GGA1: variants seen among roughly 807,000 people sequenced by gnomAD.
GGA1 encodes ADP-ribosylation factor-binding protein GGA1.
Under a neutral mutation model 76.9 loss-of-function variants are expected in GGA1, and 18 were observed. That is an observed-to-expected ratio of 0.23 (90% CI 0.16 to 0.35). The LOEUF is 0.35. GGA1 is among the 10% of genes least tolerant of loss of function. GGA1 has a pLI of 1.00. For synonymous variants in GGA1, 342 were observed against 354.7 expected, an observed-to-expected ratio of 0.96 and a Z score of 0.40; for missense variants, 755 against 859.0, an observed-to-expected ratio of 0.88 and a Z score of 1.51.
intron 1 of GGA1, chr22:37,609,334 C>T: frequency 9.1e-7 from 1 of 1,099,996 alleles, no homozygotes; most frequent in African/African-American, 1.7e-5. Flanking sequence ...ACTCTCTGGC[C>T]CTGCATGGCG....
intron 11 of GGA1, 177 bp downstream of exon 11, chr22:37,626,126 C>A: frequency 2.2e-6 from 1 of 448,102 alleles, no homozygotes; most frequent in Non-Finnish European, 3.8e-6. Context: ...AAGTTAGGAG[C>A]TTGTGCGAGG....
At chr22:37,612,722 C>A (rs191414294) in intron 1 of GGA1, 6 of 159,698 alleles carry the variant, frequency 3.8e-5, no homozygotes, top group Admixed American at 1.3e-4. Context: ...TGCAGTGAGC[C>A]GAGATCGTGC....
chr22:37,630,361 G>A, intron 13 of GGA1, 191 bp downstream of exon 13: 1 of 543,848 alleles, frequency 1.8e-6, no homozygotes, highest in Middle Eastern at 4.7e-4. Context: ...GGGCCCACTG[G>A]CCTGGCCTCC....
At chr22:37,628,785 C>T (rs1931286089) in intron 11 of GGA1, among the ~76,000 whole-genome samples, 1 of 152,244 alleles carries the variant, frequency 6.6e-6, no homozygotes, top group Non-Finnish European at 1.5e-5. Flanking sequence ...CCCTTATCTT[C>T]TCTAGGTCAG....
In GGA1 at chr22:37,608,912, C is replaced by G; in HGVS notation, c.43+9C>G. The G allele has an allele frequency of 7.6e-7, 1 of 1,322,478 alleles. No homozygotes were observed. Among genetic ancestry groups the G allele is most frequent in the Non-Finnish European group, 9.7e-7 (1 of 1,036,260 alleles). 81.9% of individuals were successfully genotyped at this position (1,322,478 alleles called of 1,614,324 possible). ...TCTGGAGGCGCGAATCAGTGAGTGTCCGGGAGGGGCGCGGGCCGGACCGGA... is the reference window on the plus strand; with the variant it reads ...TCTGGAGGCGCGAATCAGTGAGTGTGCGGGAGGGGCGCGGGCCGGACCGGA... On this transcript the variant is annotated intron_variant, in intron 1 of 16. Coordinates refer to ENST00000343632, the MANE Select transcript of GGA1 (RefSeq NM_013365.5).
Position 37,632,521 on chromosome 22 carries a change from G to C in GGA1, c.1809+6G>C. On this transcript the variant is annotated splice_donor_region_variant and intron_variant, in intron 16 of 16. Transcript: ENST00000343632. This position sits in a 1 kb window ranked among gnomAD's most constrained non-coding sequence, Gnocchi z 5.1. ...TGCTTGCCAACCCCCAGAAGGTAAG[G>C]GGCCCCCAGGCAGTGCTGCAGGGTG... 6.2e-7 allele frequency: 1 copy of C among 1,607,570 alleles called. No homozygotes were observed.
At chr22:37,616,442 G>A (rs989557316) in intron 2 of GGA1, among the ~76,000 whole-genome samples, 11 of 152,148 alleles carry the variant, frequency 7.2e-5, no homozygotes, top group Admixed American at 1.3e-4. Flanking sequence ...CACTGGTGAC[G>A]GGTCTTTTAC....
At chr22:37,612,148 T>A (rs935665989) in intron 1 of GGA1, among the ~76,000 whole-genome samples, 5 of 149,458 alleles carry the variant, frequency 3.3e-5, no homozygotes, top group Admixed American at 2.7e-4. Flanking sequence ...AAAGCAAGAC[T>A]CTTTCTCAAA....
At chr22:37,630,757 C>T (rs1052717489) in intron 13 of GGA1, 146 bp from the exon 14 acceptor site, 17 of 619,186 alleles carry the variant, frequency 2.7e-5, no homozygotes, top group African/African-American at 1.9e-4. Flanking sequence ...TTATACAGAC[C>T]GGGTTTCGCC....
At chr22:37,622,549 C>A (rs965440401) in intron 7 of GGA1, among the ~76,000 whole-genome samples, 1 of 152,124 alleles carries the variant, frequency 6.6e-6, no homozygotes, top group Admixed American at 6.5e-5. Context: ...TCCCAAGTAG[C>A]TGGGACCAAA....
intron 14 of GGA1, 121 bp downstream of exon 14, chr22:37,631,220 A>AGG (rs928414223): frequency 1.3e-6 from 1 of 745,694 alleles, no homozygotes; most frequent in Non-Finnish European, 2.1e-6. Flanking sequence ...GGCCAACCAG[A>AGG]GGGGAGCTCT....
intron 1 of GGA1, among the ~76,000 whole-genome samples, chr22:37,612,171 T>TA (rs768818954): frequency 1.1e-3 from 160 of 147,398 alleles, no homozygotes; most frequent in Admixed American, 4.6e-3. Flanking sequence ...AAAATAAAAA[T>TA]AAAAAAATAC....
intron 11 of GGA1, chr22:37,626,413 T>G (rs1447417140): frequency 6.6e-6 from 1 of 152,282 alleles, no homozygotes; most frequent in African/African-American, 2.4e-5. Context: ...CCAGGCCTGC[T>G]GTTACTCCCG....
intron 1 of GGA1, 130 bp downstream of exon 1, chr22:37,609,033 T>A: frequency 7.1e-7 from 1 of 1,410,900 alleles, no homozygotes; most frequent in Non-Finnish European, 9.2e-7. Context: ...GGAGGGGCGG[T>A]GTCCTCAGTC....
Position 37,625,033 on chromosome 22 carries a change from G to A in GGA1, c.897G>A (p.Arg299=), listed in dbSNP as rs1462449126. The part of the protein sequence containing the change: ...QVINLYKQLV[R]GEEVNGDATA... ...TCAACCTGTATAAGCAGCTGGTGCG[G>A]GGTGAGGAGGTCAACGGTGATGCCA... The change falls in exon 10 of 17, where the codon CGG becomes CGA. Residue 299 remains arginine (R), a synonymous_variant. Transcript: ENST00000343632. This position sits in a 1 kb window ranked among gnomAD's most constrained non-coding sequence, Gnocchi z 4.1. 6 of 1,601,910 alleles carry A rather than the reference G, an allele frequency of 3.7e-6. No individual in the cohort carries two copies. In the South Asian group the frequency reaches 6.7e-5, roughly 18 times the overall value.
chr22:37,614,059 CAG>C (rs1928272499), intron 1 of GGA1, 129 bp from the exon 2 acceptor site: 2 of 695,392 alleles, frequency 2.9e-6, no homozygotes, highest in Non-Finnish European at 5.3e-6. Flanking sequence ...GGCAGGAAGG[CAG>C]GGGGAGAGCT....
chr22:37,627,328 GGGAGAGCTGAAGGGGAA>G (rs1164632980), intron 11 of GGA1, among the ~76,000 whole-genome samples: 6 of 152,182 alleles, frequency 3.9e-5, no homozygotes, highest in Non-Finnish European at 5.9e-5. Context: ...GGAGTGTGGA[GGGAGAGCTGAAGGGGAA>G]GGAGAGCTGA....
Position 37,617,017 on chromosome 22 carries a change from C to A in GGA1, c.204+20C>A. Reference sequence around the variant, plus strand: ...TTGACGGTGAGAAGGGGAGAGGCCACCATCCGTCCCCCGCCATGTGACGAC... The same window carrying A: ...TTGACGGTGAGAAGGGGAGAGGCCAACATCCGTCCCCCGCCATGTGACGAC... On this transcript the variant is annotated intron_variant, in intron 3 of 16. Coordinates refer to ENST00000343632, the MANE Select transcript of GGA1 (RefSeq NM_013365.5). 1 of 1,585,958 alleles carries A rather than the reference C, an allele frequency of 6.3e-7. No homozygotes were observed. The highest frequency in any genetic ancestry group is 8.6e-7 in the Non-Finnish European group (1 of 1,166,184).
intron 11 of GGA1, among the ~76,000 whole-genome samples, chr22:37,627,687 G>C (rs550401230): frequency 2.0e-5 from 3 of 152,348 alleles, no homozygotes; most frequent in African/African-American, 7.2e-5. Context: ...CGCACTTCCT[G>C]TCCCCGCACT....
Sources: allele counts gnomAD v4.1 joint callset (sites outside exome capture counted in the v4.1 genomes callset), GRCh38; gene constraint gnomAD v4.1.1; non-coding constraint Gnocchi (gnomAD v3.1); transcripts MANE v1.5; gene names NCBI Gene and HGNC (gene_info 2026-07-23, HGNC 2026-07-21).